Variants in GOLGB1 observed in about 807,000 individuals in gnomAD.
The protein encoded by GOLGB1 is golgin subfamily B member 1.
Under a neutral mutation model 336.9 loss-of-function variants are expected in GOLGB1, and 174 were observed. That is an observed-to-expected ratio of 0.52 (90% CI 0.46 to 0.59). The LOEUF is 0.59. Ranked by LOEUF, GOLGB1 falls within the 20% of genes least tolerant of loss-of-function variation. GOLGB1 has a pLI of 0.00. For synonymous variants in GOLGB1, 1,208 were observed against 1,289.2 expected (o/e 0.94, Z 1.35); for missense variants, 3,331 against 3,645.3 (o/e 0.91, Z 2.22).
In GOLGB1 at chr3:121,693,785, T is replaced by C. The variant is rs778837595; in HGVS notation, c.6738A>G (p.Arg2246=). 6 of 1,610,470 alleles carry C rather than the reference T, an allele frequency of 3.7e-6. No homozygotes were observed. Among genetic ancestry groups the C allele is most frequent in the East Asian group, 2.2e-5 (1 of 44,860 alleles). ...ATTCTTCCATATGGATGGACATCTG[T>C]CTAAGTTGATCCTTTAGAACACTGC... ...DNCSVLKDQL[R]QMSIHMEELK... The change falls in exon 13 of 22, where the codon AGA becomes AGG. Residue 2246 remains arginine (R), a synonymous_variant. Coordinates refer to ENST00000614479, the MANE Select transcript of GOLGB1 (RefSeq NM_001366282.2).
chr3:121,696,938 A>G lies in GOLGB1; in HGVS notation c.3585T>C (p.Ile1195=), dbSNP rs773540130. 8 of 1,613,830 alleles carry G rather than the reference A, an allele frequency of 5.0e-6. No individual in the cohort carries two copies. The highest frequency in any genetic ancestry group is 5.1e-6 in the Non-Finnish European group (6 of 1,179,966). The change falls in exon 13 of 22, where the codon ATT becomes ATC. Residue 1195 remains isoleucine, a synonymous_variant. Coordinates refer to ENST00000614479, the MANE Select transcript of GOLGB1 (RefSeq NM_001366282.2). ...TTTCTTTCTCCTGTGCCTTTTTAAG[A>G]ATTGCCTTGCGGGAGGTTAAGGCTT... The part of the protein sequence containing the change: ...LQEALTSRKA[I]LKKAQEKERH...
rs73179972 is a variant in GOLGB1, at chr3:121,672,253, T to C, written c.9178-2898A>G. Among the ~76,000 whole-genome samples, 703 of 152,352 alleles carry C rather than the reference T, an allele frequency of 4.6e-3. 3 individuals carry two copies. Among genetic ancestry groups the C allele is most frequent in the Middle Eastern group, 6.8e-3 (2 of 294 alleles). Reference sequence around the variant, plus strand: ...ACTAACTTACATTGCTAACAGTGTATGGGAGTTCCCCCTTTCTCTGCATCC... The same window carrying C: ...ACTAACTTACATTGCTAACAGTGTACGGGAGTTCCCCCTTTCTCTGCATCC... On this transcript the variant is annotated intron_variant, in intron 17 of 21. Coordinates refer to ENST00000614479, the MANE Select transcript of GOLGB1 (RefSeq NM_001366282.2).
At chr3:121,701,147 A>T (rs1179508213) in intron 11 of GOLGB1, among the ~76,000 whole-genome samples, 1 of 152,174 alleles carries the variant, frequency 6.6e-6, no homozygotes, top group Admixed American at 6.5e-5. Flanking sequence ...ATACAAGGTA[A>T]AAGTAATCTA....
At position 121,694,228 on chromosome 3, in the gene GOLGB1, C is replaced by T. The variant is rs1369130699; in HGVS notation, c.6295G>A (p.Val2099Ile). Residue 2099 changes from valine to isoleucine, a missense_variant, in exon 13 of 22, where the codon GTC becomes ATC. Transcript: ENST00000614479. ...TTCAACTTGAGATTGTCTGCTAGGA[C>T]CCTTGCTGCTTCACTTTGAGTGTCA... ...LDDTQSEAAR[V>I]LADNLKLKKE... The T allele has an allele frequency of 1.2e-6, 2 of 1,611,296 alleles. No homozygotes were observed. The highest frequency in any genetic ancestry group is 2.2e-5 in the South Asian group (2 of 91,078).
Position 121,668,099 on chromosome 3 carries a change from T to G in GOLGB1, c.9381A>C (p.Arg3127Ser), listed in dbSNP as rs1013838792. The change falls in exon 19 of 22, where the codon AGA becomes AGC. Residue 3127 changes from arginine (R) to serine (S), a missense_variant. Transcript: ENST00000614479. ...GAPQEKNGVHRKSDPEELREP... is the reference protein window; with the variant it reads ...GAPQEKNGVHSKSDPEELREP... ...CCCTTAGTTCCTCAGGGTCACTCTT[T>G]CTGTGAACTCCATTCTTTTCCTGGG... The G allele has an allele frequency of 1.2e-5, 20 of 1,609,740 alleles. No homozygotes were observed. Among genetic ancestry groups the G allele is most frequent in the Non-Finnish European group, 1.7e-5 (20 of 1,177,632 alleles).
chr3:121,698,975 A>C (rs1943178156), intron 12 of GOLGB1, 46 bp from the exon 13 acceptor site: 3 of 1,391,950 alleles, frequency 2.2e-6, no homozygotes, highest in South Asian at 1.5e-5. Flanking sequence ...ATGTTTTATA[A>C]CATTAAAAAA....
In GOLGB1 at chr3:121,695,761, T is replaced by C; in HGVS notation, c.4762A>G (p.Lys1588Glu). The C allele has an allele frequency of 1.2e-6, 2 of 1,612,506 alleles. No homozygotes were observed. The highest frequency in any genetic ancestry group is 1.7e-6 in the Non-Finnish European group (2 of 1,179,942). ...TCAATTTCCTTCACTAACTTTTCCT[T>C]GTCTTCAGTAAGACCCTCTAGAGCT... is the stretch of plus-strand genomic sequence containing the variant. ...KLALEGLTEDKEKLVKEIESL... is the reference protein window; with the variant it reads ...KLALEGLTEDEEKLVKEIESL... The change falls in exon 13 of 22, where the codon AAG (lysine) becomes GAG (glutamate). Residue 1588 changes from lysine to glutamate, a missense_variant. Lys to Glu is a moderately conservative substitution (Grantham distance 56). Transcript: ENST00000614479.
intron 1 of GOLGB1, among the ~76,000 whole-genome samples, chr3:121,738,800 T>C (rs762515053): frequency 1.3e-5 from 2 of 151,962 alleles, no homozygotes; most frequent in Non-Finnish European, 2.9e-5. Context: ...GAGGTCCAGA[T>C]AAAGAGCAGG....
At chr3:121,740,110 C>T (rs1331690958) in intron 1 of GOLGB1, among the ~76,000 whole-genome samples, 1 of 152,166 alleles carries the variant, frequency 6.6e-6, no homozygotes, top group East Asian at 1.9e-4. Flanking sequence ...ACAAGGGATC[C>T]TTGTGGTGTT....
At chr3:121,678,143 T>A (rs1256283347) in intron 15 of GOLGB1, among the ~76,000 whole-genome samples, 1 of 152,224 alleles carries the variant, frequency 6.6e-6, no homozygotes, top group Non-Finnish European at 1.5e-5. Flanking sequence ...AAACAAAAAA[T>A]TTGTTCTTGT....
chr3:121,690,922 C>G lies in GOLGB1; in HGVS notation c.8442G>C (p.Gln2814His). The change falls in exon 14 of 22, where the codon CAG (glutamine) becomes CAC (histidine). Residue 2814 changes from glutamine (Q) to histidine (H), a missense_variant. Physicochemically the swap from Gln to His is conservative, Grantham distance 24 (BLOSUM62 0). Coordinates refer to ENST00000614479, the MANE Select transcript of GOLGB1 (RefSeq NM_001366282.2). ...GCAATTGCTCATCTTTGGATAGGAG[C>G]TGTTGGTTAAGTTTCTCAAGGTGAG... ...SLSHLEKLNQ[Q>H]LLSKDEQLLH... 6.2e-7 allele frequency: 1 copy of G among 1,614,124 alleles called. No homozygotes were observed. The highest frequency in any genetic ancestry group is 8.5e-7 in the Non-Finnish European group (1 of 1,179,948).
chr3:121,748,718 G>T, intron 1 of GOLGB1: 1 of 652,062 alleles, frequency 1.5e-6, no homozygotes, highest in Non-Finnish European at 1.9e-6. Flanking sequence ...ATCTTGCACA[G>T]AACTGTAAAA....
At position 121,694,088 on chromosome 3, in the gene GOLGB1, ATTC is replaced by A. The variant is rs2107811054; in HGVS notation, c.6432_6434del (p.Lys2144del). On this transcript the variant is annotated inframe_deletion, in exon 13 of 22. Transcript: ENST00000614479. Reference sequence around the variant, plus strand: ...GCAAAGCATCCAGTTTCTCTTGCATATTCTTCTTCTCTTTCAGGTGCTTCTCTT... The same window carrying A: ...GCAAAGCATCCAGTTTCTCTTGCATATTCTTCTCTTTCAGGTGCTTCTCTT... 8 of 1,614,004 alleles carry A rather than the reference ATTC, an allele frequency of 5.0e-6. No homozygotes were observed. Among genetic ancestry groups the A allele is most frequent in the Non-Finnish European group, 6.8e-6 (8 of 1,179,992 alleles).
intron 20 of GOLGB1, among the ~76,000 whole-genome samples, chr3:121,666,274 AGCTAAAGAGG>A (rs1363291225): frequency 1.3e-5 from 2 of 152,212 alleles, no homozygotes; most frequent in Non-Finnish European, 2.9e-5. Context: ...TCTGCATCAG[AGCTAAAGAGG>A]GAATTGTGGC....
At position 121,691,049 on chromosome 3, in the gene GOLGB1, TC is replaced by T; in HGVS notation, c.8314del (p.Glu2772AsnfsTer5). The T allele has an allele frequency of 6.2e-7, 1 of 1,613,530 alleles. No homozygotes were observed. Among genetic ancestry groups the T allele is most frequent in the South Asian group, 1.1e-5 (1 of 91,064 alleles). ...TCCCTGTTCTTTCAACTGTGCCAATTCCTTCAGACTGGCATCATATTTCCTT... is the reference window on the plus strand; with the variant it reads ...TCCCTGTTCTTTCAACTGTGCCAATTCTTCAGACTGGCATCATATTTCCTT... ...LKRKYDASLK[E>X]LAQLKEQGLL... On this transcript the variant is annotated frameshift_variant, in exon 14 of 22. Coordinates refer to ENST00000614479, the MANE Select transcript of GOLGB1 (RefSeq NM_001366282.2). LOFTEE classifies it high-confidence loss of function.
intron 2 of GOLGB1, among the ~76,000 whole-genome samples, chr3:121,730,656 A>G (rs1422533830): frequency 3.3e-5 from 5 of 152,236 alleles, no homozygotes; most frequent in Non-Finnish European, 7.3e-5. Context: ...CAAATGAGAA[A>G]GCCCTTTCAA....
intron 14 of GOLGB1, among the ~76,000 whole-genome samples, chr3:121,682,296 A>T (rs1941171074): frequency 6.6e-6 from 1 of 152,194 alleles, no homozygotes; most frequent in Admixed American, 6.5e-5. Context: ...CTTAGCGGAT[A>T]CTGATTATAA....
intron 6 of GOLGB1, among the ~76,000 whole-genome samples, chr3:121,720,015 G>A (rs933587540): frequency 6.6e-6 from 1 of 152,110 alleles, no homozygotes; most frequent in East Asian, 1.9e-4. Flanking sequence ...AAAATTATAT[G>A]TTCATGGTTA....
At chr3:121,681,040 C>T (rs1941017857) in intron 15 of GOLGB1, among the ~76,000 whole-genome samples, 1 of 152,104 alleles carries the variant, frequency 6.6e-6, no homozygotes, top group Admixed American at 6.5e-5. Context: ...CACAAATGTT[C>T]ATAGTAGTAT....
Sources: gnomAD v4.1 joint callset for allele counts (sites outside exome capture counted in the v4.1 genomes callset) on GRCh38, gnomAD v4.1.1 for gene constraint, MANE v1.5 for transcripts, NCBI Gene and HGNC (gene_info 2026-07-23, HGNC 2026-07-21) for gene names.